Variants in NR1I2 observed in about 807,000 individuals in gnomAD.
NR1I2 encodes nuclear receptor subfamily 1 group I member 2.
In NR1I2, 42 loss-of-function variants were observed where a neutral mutation model predicts 43.3. The ratio of observed to expected loss-of-function variants is 0.97; its 90% CI spans 0.76 to 1.26. NR1I2 has a LOEUF of 1.26. NR1I2 is among the 50% of genes most tolerant of loss of function. The probability of loss-of-function intolerance (pLI) is 0.00; values close to 1 mark genes in which losing one functional copy is unlikely to be tolerated. For synonymous variants in NR1I2, 229 were observed against 215.0 expected (o/e 1.06, Z -0.57); for missense variants, 559 against 566.7 (o/e 0.99, Z 0.14).
At position 119,796,713 on chromosome 3, in the gene NR1I2, C is replaced by T. The variant is rs573409454; in HGVS notation, c.-22-10516C>T. 3.3e-5 allele frequency among the ~76,000 whole-genome samples: 5 copies of T among 152,326 alleles called. No individual in the cohort carries two copies. In the South Asian group the frequency reaches 1.0e-3, roughly 32 times the overall value. On this transcript the variant is annotated intron_variant, in intron 1 of 8. Transcript: ENST00000393716. ...TGGAGGGCATGCTCTCCTGGGGGCT[C>T]CCCCTGGCCCAGCCTCAGCATGGCA...
intron 1 of NR1I2, among the ~76,000 whole-genome samples, chr3:119,787,493 C>T (rs2054857276): frequency 6.6e-6 from 1 of 152,160 alleles, no homozygotes; most frequent in African/African-American, 2.4e-5. Context: ...AACAGCAAAA[C>T]TTGTGCAAAT....
chr3:119,808,345 AC>A (rs987980454), intron 2 of NR1I2, among the ~76,000 whole-genome samples: 1 of 152,232 alleles, frequency 6.6e-6, no homozygotes, highest in African/African-American at 2.4e-5. Context: ...GCAGAAGCGC[AC>A]AAAGGCCCAT....
rs193035925 is a variant in NR1I2, at chr3:119,789,615, G to A, written c.-23+7315G>A. Among the ~76,000 whole-genome samples, 463 of 152,294 alleles carry A rather than the reference G, an allele frequency of 3.0e-3. 4 individuals carry two copies. Among genetic ancestry groups the A allele is most frequent in the Admixed American group, 6.3e-3 (97 of 15,298 alleles). ...CAATTCCAGATGAGATTTTGGTGGG[G>A]ACACAGCCAAACCATATCAACTATT... On this transcript the variant is annotated intron_variant, in intron 1 of 8. Transcript: ENST00000393716.
intron 1 of NR1I2, among the ~76,000 whole-genome samples, chr3:119,783,867 A>G (rs540022345): frequency 6.6e-6 from 1 of 152,334 alleles, no homozygotes; most frequent in South Asian, 2.1e-4. Flanking sequence ...TTTTCCACTC[A>G]ATAGCAAGAC....
chr3:119,798,112 T>C (rs1577275049), intron 1 of NR1I2, among the ~76,000 whole-genome samples: 1 of 152,234 alleles, frequency 6.6e-6, no homozygotes, highest in Non-Finnish European at 1.5e-5. Context: ...CAAGTGTGCT[T>C]TCCCAGATTG....
intron 1 of NR1I2, among the ~76,000 whole-genome samples, chr3:119,791,335 A>G (rs1340955482): frequency 2.0e-5 from 3 of 152,120 alleles, no homozygotes; most frequent in South Asian, 2.1e-4. Context: ...TCCTCCTGCA[A>G]TGTCAGGCTA....
chr3:119,792,516 C>A, intron 1 of NR1I2: 1 of 1,065,876 alleles, frequency 9.4e-7, no homozygotes, highest in Non-Finnish European at 1.4e-6. Flanking sequence ...ACCAATCTGC[C>A]GGCAGGGCAG....
intron 4 of NR1I2, 121 bp downstream of exon 4, chr3:119,811,847 G>C: frequency 1.1e-6 from 1 of 945,420 alleles, no homozygotes; most frequent in South Asian, 1.4e-5. Flanking sequence ...GTGGAGGGTA[G>C]ATTTGGAGAG....
At chr3:119,788,696 C>A (rs1277064101) in intron 1 of NR1I2, among the ~76,000 whole-genome samples, 1 of 152,164 alleles carries the variant, frequency 6.6e-6, no homozygotes, top group East Asian at 1.9e-4. Flanking sequence ...TTTCAGCTTC[C>A]CTAAGTGCTG....
In NR1I2 at chr3:119,812,872, ATCT is replaced by A. The variant is rs771751195; in HGVS notation, c.710_712del (p.Phe237del). ...CCCAGCCGACAGTGGCGGGAAAGAG[ATCT>A]TCTCCCTGCTGCCCCACATGGCTGA... is the stretch of plus-strand genomic sequence containing the variant. On this transcript the variant is annotated inframe_deletion, in exon 5 of 9. Coordinates refer to ENST00000393716, the MANE Select transcript of NR1I2 (RefSeq NM_003889.4). The A allele has an allele frequency of 2.2e-4, 356 of 1,613,996 alleles. No homozygotes were observed. The highest frequency in any genetic ancestry group is 2.9e-4 in the Non-Finnish European group (337 of 1,180,028).
At chr3:119,791,846 C>T (rs549464953) in intron 1 of NR1I2, 16 of 556,180 alleles carry the variant, frequency 2.9e-5, no homozygotes, top group Middle Eastern at 3.5e-4. Flanking sequence ...TTGAGTCCAT[C>T]GGCAAGTTTG....
In NR1I2 at chr3:119,814,133, G is replaced by T. The variant is rs75560300; in HGVS notation, c.795-846G>T. Among the ~76,000 whole-genome samples, 1,463 of 152,248 alleles carry T rather than the reference G, an allele frequency of 9.6e-3. 19 individuals are homozygous for T. Among genetic ancestry groups the T allele is most frequent in the African/African-American group, 0.033 (1,390 of 41,530 alleles). On this transcript the variant is annotated intron_variant, in intron 5 of 8. Coordinates refer to ENST00000393716, the MANE Select transcript of NR1I2 (RefSeq NM_003889.4). ...TTAGGGATCTAAAAGAAGGATGGGC[G>T]CCAGTAGCACAGGGTCTGAATTCCC...
At chr3:119,787,903 GT>G (rs2054867190) in intron 1 of NR1I2, among the ~76,000 whole-genome samples, 1 of 151,694 alleles carries the variant, frequency 6.6e-6, no homozygotes, top group African/African-American at 2.4e-5. Flanking sequence ...TATGATTTTT[GT>G]TTTTTTATCC....
intron 5 of NR1I2, among the ~76,000 whole-genome samples, chr3:119,813,655 G>T (rs1482577497): frequency 2.0e-5 from 3 of 152,198 alleles, no homozygotes; most frequent in Non-Finnish European, 4.4e-5. Flanking sequence ...GTTGAGGGTA[G>T]GTTATACTCT....
chr3:119,813,745 G>A (rs2055278796), intron 5 of NR1I2, among the ~76,000 whole-genome samples: 1 of 152,162 alleles, frequency 6.6e-6, no homozygotes, highest in Non-Finnish European at 1.5e-5. Flanking sequence ...AGCAGGTTTG[G>A]AATGGGGTTC....
In NR1I2 at chr3:119,807,406, C is replaced by T. The variant is rs1231067625; in HGVS notation, c.156C>T (p.His52=). 6.2e-7 allele frequency: 1 copy of T among 1,614,178 alleles called. No homozygotes were observed. The highest frequency in any genetic ancestry group is 1.7e-5 in the Admixed American group (1 of 60,030). ...GTGGGGACAAGGCCACTGGCTATCACTTCAATGTCATGACATGTGAAGGAT... is the reference window on the plus strand; with the variant it reads ...GTGGGGACAAGGCCACTGGCTATCATTTCAATGTCATGACATGTGAAGGAT... The change falls in exon 2 of 9, where the codon CAC becomes CAT. Residue 52 remains histidine (H), a synonymous_variant. Transcript: ENST00000393716.
Position 119,811,556 on chromosome 3 carries a change from G to A in NR1I2, c.349G>A (p.Ala117Thr), listed in dbSNP as rs765931820. The change falls in exon 4 of 9, where the codon GCC (alanine) becomes ACC (threonine). Residue 117 changes from alanine (A) to threonine (T), a missense_variant. Around this residue, in one of 3 missense-constraint regions of NR1I2, gnomAD observed 232 missense variants for 236.6 expected, o/e 0.98. Transcript: ENST00000393716. Reference sequence around the variant, plus strand: ...CCCTGCAGTGATCATGTCCGACGAGGCCGTGGAGGAGAGGCGGGCCTTGAT... The same window carrying A: ...CCCTGCAGTGATCATGTCCGACGAGACCGTGGAGGAGAGGCGGGCCTTGAT... 1.2e-6 allele frequency: 2 copies of A among 1,613,552 alleles called. No homozygotes were observed. The highest frequency in any genetic ancestry group is 1.7e-6 in the Non-Finnish European group (2 of 1,179,718).
In NR1I2 at chr3:119,817,972, T is replaced by C; in HGVS notation, c.*760T>C. On this transcript the variant is annotated 3_prime_UTR_variant, in exon 9 of 9. Coordinates refer to ENST00000393716, the MANE Select transcript of NR1I2 (RefSeq NM_003889.4). ...AAAAAACAAACAGAAACACAAACGA[T>C]TTGGATCAAAAGGAGAAATGATAAG... is the stretch of plus-strand genomic sequence containing the variant. 1.0e-6 allele frequency: 1 copy of C among 985,332 alleles called. No individual in the cohort carries two copies. Among genetic ancestry groups the C allele is most frequent in the Non-Finnish European group, 1.2e-6 (1 of 829,924 alleles). 61.0% of individuals were successfully genotyped at this position (985,332 alleles called of 1,614,324 possible). A position where few individuals can be genotyped will look rare whatever the true frequency, so the allele number is the denominator to read the frequency against.
At chr3:119,799,576 A>G (rs1303553065) in intron 1 of NR1I2, among the ~76,000 whole-genome samples, 3 of 152,170 alleles carry the variant, frequency 2.0e-5, no homozygotes, top group African/African-American at 7.2e-5. Context: ...TTTTCTGATT[A>G]AAAAACAAAC....
Sources: allele counts gnomAD v4.1 joint callset (sites outside exome capture counted in the v4.1 genomes callset), GRCh38; gene constraint gnomAD v4.1.1; regional missense constraint gnomAD v4.1.1; transcripts MANE v1.5; gene names NCBI Gene and HGNC (gene_info 2026-07-23, HGNC 2026-07-21).